The following RYR3 variants were observed in gnomAD, a reference collection of about 807,000 sequenced individuals.
RYR3 encodes the protein brain ryanodine receptor-calcium release channel.
RYR3 carries 207 observed loss-of-function variants against 584.3 expected under a neutral mutation model. The observed-to-expected ratio is 0.35, with a 90% CI of 0.32 to 0.40. RYR3 has a LOEUF of 0.40. Ranked by LOEUF, RYR3 falls within the 10% of genes least tolerant of loss-of-function variation. The probability of loss-of-function intolerance (pLI) is 1.00; values close to 1 mark genes in which losing one functional copy is unlikely to be tolerated. For synonymous variants in RYR3, 2,416 were observed against 2,248.5 expected, an observed-to-expected ratio of 1.07 and a Z score of -2.11; for missense variants, 5,616 against 6,089.2, an observed-to-expected ratio of 0.92 and a Z score of 2.59.
intron 96 of RYR3, 89 bp downstream of exon 96, chr15:33,853,771 G>T (rs995771371): frequency 1.3e-6 from 2 of 1,505,376 alleles, no homozygotes; most frequent in South Asian, 1.3e-5. Context: ...CCGTGTCTTT[G>T]TTCTCTCAGG....
chr15:33,528,203 G>C (rs2054557329), intron 3 of RYR3, among the ~76,000 whole-genome samples: 1 of 151,996 alleles, frequency 6.6e-6, no homozygotes, highest in South Asian at 2.1e-4. Flanking sequence ...TATCCTGTTA[G>C]CTGTGGAACA....
chr15:33,854,359 T>A, intron 96 of RYR3, 30 bp from the exon 97 acceptor site: 1 of 1,540,236 alleles, frequency 6.5e-7, no homozygotes, highest in Non-Finnish European at 8.8e-7. Context: ...TTGACATTTA[T>A]AAGTTTTAAA....
chr15:33,838,775 A>G lies in RYR3; in HGVS notation c.12795A>G (p.Val4265=). 2 of 1,613,940 alleles carry G rather than the reference A, an allele frequency of 1.2e-6. No individual in the cohort carries two copies. The highest frequency in any genetic ancestry group is 2.2e-5 in the South Asian group (2 of 91,050). The change falls in exon 89 of 104, where the codon GTA becomes GTG. Residue 4265 remains valine, a synonymous_variant. Transcript: ENST00000634891. ...AGCCAGGTATCACCACTGAACTAGT[A>G]CACTTCATAAAGGGGGAGAAGGGAG... The part of the protein sequence containing the change: ...VMEPGITTEL[V]HFIKGEKGDT...
intron 3 of RYR3, among the ~76,000 whole-genome samples, chr15:33,517,295 T>C (rs2053601778): frequency 6.6e-6 from 1 of 152,226 alleles, no homozygotes; most frequent in Non-Finnish European, 1.5e-5. Context: ...GCCCAGCCTC[T>C]TCTACCTTTT....
At chr15:33,436,543 C>T (rs2045744961) in intron 1 of RYR3, among the ~76,000 whole-genome samples, 1 of 151,086 alleles carries the variant, frequency 6.6e-6, no homozygotes, top group Admixed American at 6.6e-5. Context: ...CTCTGTCACC[C>T]AGGCTGGAGT....
At chr15:33,588,328 C>T (rs1392534617) in intron 16 of RYR3, among the ~76,000 whole-genome samples, 1 of 152,170 alleles carries the variant, frequency 6.6e-6, no homozygotes, top group African/African-American at 2.4e-5. Flanking sequence ...TCTCAAGCTG[C>T]AGCCTGTGAA....
chr15:33,463,059 C>G (rs2676094), intron 1 of RYR3, among the ~76,000 whole-genome samples: 87,901 of 151,710 alleles, frequency 0.58, 26,066 homozygotes, highest in African/African-American at 0.73. Context: ...CCCAGCTACT[C>G]AGCAGGCGGT....
chr15:33,541,790 T>C (rs758780626), intron 7 of RYR3, among the ~76,000 whole-genome samples: 14 of 152,142 alleles, frequency 9.2e-5, no homozygotes, highest in Non-Finnish European at 1.3e-4. Context: ...CTTAACTCTT[T>C]TGGCAACAAG....
At chr15:33,747,376 C>CT (rs34350928) in intron 53 of RYR3, among the ~76,000 whole-genome samples, 1,951 of 95,082 alleles carry the variant, frequency 0.021, 72 homozygotes, top group Admixed American at 0.07. Flanking sequence ...AAAGAGAAAT[C>CT]TTTTTTTTTT....
At chr15:33,546,259 G>C (rs147411087) in intron 8 of RYR3, among the ~76,000 whole-genome samples, 72 of 152,252 alleles carry the variant, frequency 4.7e-4, no homozygotes, top group Middle Eastern at 6.8e-3. Context: ...ACCTGGGTGA[G>C]CCACTTCACC....
At chr15:33,449,943 T>G (rs1416133730) in intron 1 of RYR3, among the ~76,000 whole-genome samples, 1 of 151,900 alleles carries the variant, frequency 6.6e-6, no homozygotes, top group Non-Finnish European at 1.5e-5. Flanking sequence ...AGGTGGAGAA[T>G]ACCCAAAAGG....
chr15:33,754,798 C>G (rs1381954486), intron 57 of RYR3, among the ~76,000 whole-genome samples: 1 of 152,144 alleles, frequency 6.6e-6, no homozygotes, highest in Non-Finnish European at 1.5e-5. Context: ...TAAATTCTTT[C>G]CGTAAGAGCA....
At position 33,821,534 on chromosome 15, in the gene RYR3, C is replaced by A. The variant is rs1331763936; in HGVS notation, c.10927C>A (p.Pro3643Thr). ...MISASKGEMS[P>T]MVVETLKLGI... ...CTTCACCATGGCAGGTGAGATGAGC[C>A]CCATGGTGGTTGAGACGCTGAAGCT... is the stretch of plus-strand genomic sequence containing the variant. The change falls in exon 80 of 104, where the codon CCC becomes ACC. Residue 3643 changes from proline to threonine, a missense_variant. Coordinates refer to ENST00000634891, the MANE Select transcript of RYR3 (RefSeq NM_001036.6). 6.2e-7 allele frequency: 1 copy of A among 1,613,886 alleles called. No homozygotes were observed. Among genetic ancestry groups the A allele is most frequent in the Non-Finnish European group, 8.5e-7 (1 of 1,179,856 alleles).
intron 35 of RYR3, 141 bp downstream of exon 35, chr15:33,663,089 T>C (rs1420342989): frequency 1.2e-5 from 9 of 733,490 alleles, no homozygotes; most frequent in South Asian, 3.5e-5. Flanking sequence ...TTGATGATTA[T>C]GGTGCTTGTT....
intron 1 of RYR3, among the ~76,000 whole-genome samples, chr15:33,359,593 C>CTTACTTAT (rs1974463883): frequency 6.9e-6 from 1 of 144,824 alleles, no homozygotes; most frequent in Non-Finnish European, 1.5e-5. Flanking sequence ...TCCCTGACCC[C>CTTACTTAT]TTATTTATTT....
chr15:33,819,654 A>G (rs910958927), intron 76 of RYR3, 102 bp from the exon 77 acceptor site: 1 of 739,436 alleles, frequency 1.4e-6, no homozygotes. Context: ...AGCCTAGGGG[A>G]CAAGAGAAAA....
chr15:33,645,293 A>G (rs900632374), intron 28 of RYR3, among the ~76,000 whole-genome samples: 1 of 152,154 alleles, frequency 6.6e-6, no homozygotes, highest in Non-Finnish European at 1.5e-5. Flanking sequence ...TGGTTCACAG[A>G]CTATGGTTTT....
At position 33,726,410 on chromosome 15, in the gene RYR3, G is replaced by A. The variant is rs373358710; in HGVS notation, c.6937G>A (p.Ala2313Thr). The change falls in exon 46 of 104, where the codon GCC becomes ACC. Residue 2313 changes from alanine to threonine, a missense_variant. Coordinates refer to ENST00000634891, the MANE Select transcript of RYR3 (RefSeq NM_001036.6). The stretch of plus-strand genomic sequence containing the variant: ...GCTCATCCAGACAGGAAAGGGGGAA[G>A]CCATCCGCATCAGGTCCATCCTGCG... The part of the protein sequence containing the change: ...MHLIQTGKGE[A>T]IRIRSILRSL... 5.0e-6 allele frequency: 8 copies of A among 1,612,966 alleles called. No individual in the cohort carries two copies. In the African/African-American group the frequency reaches 1.1e-4, roughly 22 times the overall value.
intron 25 of RYR3, 54 bp downstream of exon 25, chr15:33,634,787 C>T: frequency 6.7e-7 from 1 of 1,496,444 alleles, no homozygotes; most frequent in Non-Finnish European, 9.3e-7. Flanking sequence ...AGGTCCTCTT[C>T]TTGGGGCATC....
Sources: allele counts gnomAD v4.1 joint callset (sites outside exome capture counted in the v4.1 genomes callset), GRCh38; gene constraint gnomAD v4.1.1; transcripts MANE v1.5; gene names NCBI Gene and HGNC (gene_info 2026-07-23, HGNC 2026-07-21).